Variants in OTOF observed in about 807,000 individuals in gnomAD.
The protein encoded by OTOF is otoferlin, also known as fer-1-like family member 2.
In OTOF, 218 loss-of-function variants were observed where a neutral mutation model predicts 236.8. The observed-to-expected ratio is 0.92, with a 90% CI of 0.82 to 1.03. OTOF has a LOEUF of 1.03. Ranked by LOEUF, OTOF falls within the 50% of genes least tolerant of loss-of-function variation. OTOF has a pLI of 0.00. For missense variants in OTOF, 2,590 were observed against 2,694.4 expected, an observed-to-expected ratio of 0.96 and a Z score of 0.86; for synonymous variants, 1,041 against 1,072.5, an observed-to-expected ratio of 0.97 and a Z score of 0.57.
intron 2 of OTOF, among the ~76,000 whole-genome samples, chr2:26,535,452 G>T (rs1019392835): frequency 7.9e-5 from 12 of 152,158 alleles, no homozygotes; most frequent in Admixed American, 4.6e-4. Flanking sequence ...GATGGCCTGA[G>T]CATTGCAAGT....
chr2:26,545,528 AAG>A (rs1054459135), intron 1 of OTOF, among the ~76,000 whole-genome samples: 2 of 152,150 alleles, frequency 1.3e-5, no homozygotes, highest in African/African-American at 4.8e-5. Flanking sequence ...TGACTAGCCA[AAG>A]AGAGTTTCCA....
chr2:26,548,086 A>T (rs572440460), intron 1 of OTOF, among the ~76,000 whole-genome samples: 1 of 152,198 alleles, frequency 6.6e-6, no homozygotes, highest in Non-Finnish European at 1.5e-5. Context: ...TATTGGTAAT[A>T]TTCCCATATT....
At chr2:26,503,676 C>T in intron 6 of OTOF, 96 bp downstream of exon 6, 2 of 1,084,432 alleles carry the variant, frequency 1.8e-6, no homozygotes, top group Non-Finnish European at 2.9e-6. Flanking sequence ...ACGACCTATC[C>T]CAGGAGGGCC....
chr2:26,489,605 G>T, intron 10 of OTOF, 73 bp downstream of exon 10: 1 of 1,275,098 alleles, frequency 7.8e-7, no homozygotes, highest in Non-Finnish European at 1.1e-6. Flanking sequence ...GACAGAGGGG[G>T]CCCCTCTCAA....
rs755835380 is a variant in OTOF at position 26,460,219 on chromosome 2, G to A, written c.5814-14C>T. The A allele has an allele frequency of 6.3e-7, 1 of 1,593,714 alleles. No individual in the cohort carries two copies. Among genetic ancestry groups the A allele is most frequent in the Non-Finnish European group, 8.5e-7 (1 of 1,170,168 alleles). On this transcript the variant is annotated splice_polypyrimidine_tract_variant and intron_variant, in intron 45 of 46. Coordinates refer to ENST00000272371, the MANE Select transcript of OTOF (RefSeq NM_194248.3). The surrounding 1 kb of genome is among the most constrained non-coding windows in gnomAD (Gnocchi z 5.3). ...GTGTCGGGCCGGCTGGAGTATGAAG[G>A]GTAGAGAGCGCAGAGGAGGGACAGG...
chr2:26,542,605 G>A (rs769258804), intron 1 of OTOF, among the ~76,000 whole-genome samples: 16 of 152,240 alleles, frequency 1.1e-4, no homozygotes, highest in Middle Eastern at 3.2e-3. Flanking sequence ...AGACTGGGAA[G>A]CAAGGAGAAG....
At position 26,470,416 on chromosome 2, in the gene OTOF, G is replaced by C. The variant is rs1395540744; in HGVS notation, c.4023+177C>G. Among the ~76,000 whole-genome samples, 1 of 152,098 alleles carries C rather than the reference G, an allele frequency of 6.6e-6. No homozygotes were observed. Among genetic ancestry groups the C allele is most frequent in the African/African-American group, 2.4e-5 (1 of 41,412 alleles). On this transcript the variant is annotated intron_variant, in intron 32 of 46. Transcript: ENST00000272371. The surrounding 1 kb of genome is among the most constrained non-coding windows in gnomAD (Gnocchi z 4.3). ...AAAACCAAGCAGGGAAGGTAGATGG[G>C]ACCATCATCTTGGAAGGTGAGTTCT...
intron 46 of OTOF, among the ~76,000 whole-genome samples, chr2:26,459,533 C>A (rs1359515504): frequency 7.9e-6 from 1 of 127,142 alleles, no homozygotes; most frequent in African/African-American, 3.1e-5. Context: ...GCCTGGGCGA[C>A]AGAGCGAGAC....
intron 2 of OTOF, among the ~76,000 whole-genome samples, chr2:26,530,093 T>C (rs10173374): frequency 0.57 from 86,212 of 150,728 alleles, 24,964 homozygotes; most frequent in East Asian, 0.73. Context: ...CACCGAGATT[T>C]GGTTTACTGG....
intron 1 of OTOF, among the ~76,000 whole-genome samples, chr2:26,543,920 G>A (rs575348886): frequency 1.8e-4 from 28 of 152,240 alleles, no homozygotes; most frequent in African/African-American, 6.7e-4. Flanking sequence ...GGTTTCACCA[G>A]CATGTGGCCA....
chr2:26,513,218 C>G (rs1407873174), intron 5 of OTOF, among the ~76,000 whole-genome samples: 6 of 152,130 alleles, frequency 3.9e-5, no homozygotes, highest in Non-Finnish European at 1.5e-5. Flanking sequence ...TTCTTAGGGT[C>G]TTAGGAGTGA....
At position 26,467,378 on chromosome 2, in the gene OTOF, A is replaced by G; in HGVS notation, c.4214T>C (p.Ile1405Thr). The G allele has an allele frequency of 1.2e-6, 2 of 1,611,904 alleles. No individual in the cohort carries two copies. The highest frequency in any genetic ancestry group is 1.7e-6 in the Non-Finnish European group (2 of 1,179,608). ...CTAGGCTCTCACCTTAAGCTCATCA[A>G]TCTTGGGTTTCTTCTTCTCGGGGGC... The part of the protein sequence containing the change: ...SEAPEKKKPK[I>T]DELKVYPKEL... The change falls in exon 34 of 47, where the codon ATT becomes ACT. Residue 1405 changes from isoleucine to threonine, a missense_variant. Physicochemically the swap from Ile to Thr is moderately conservative, Grantham distance 89 (BLOSUM62 -1). Coordinates refer to ENST00000272371, the MANE Select transcript of OTOF (RefSeq NM_194248.3).
chr2:26,521,389 G>A (rs893129300), intron 3 of OTOF, among the ~76,000 whole-genome samples: 2 of 152,196 alleles, frequency 1.3e-5, no homozygotes, highest in African/African-American at 4.8e-5. Context: ...CTCCCAGGGG[G>A]CAGGGTGGAG....
At chr2:26,467,723 C>CT (rs1164722438) in intron 33 of OTOF, among the ~76,000 whole-genome samples, 1 of 152,172 alleles carries the variant, frequency 6.6e-6, no homozygotes, top group Non-Finnish European at 1.5e-5. Context: ...TCTTCATGCC[C>CT]TTTGGAAGAG....
Position 26,473,848 on chromosome 2 carries a change from G to GCT in OTOF, c.3408+142_3408+143insAG, listed in dbSNP as rs1375223142. The GCT allele has an allele frequency of 1.6e-4, 178 of 1,140,164 alleles. 1 individual carries two copies. The African/African-American group carries it at 2.3e-3, about 15-fold the overall frequency. The allele number at this position is 1,140,164 out of a possible 1,614,324, so 70.6% of individuals were successfully genotyped here. ...TGGGAGTGCGACTTGGTGCAGATGG[G>GCT]GGCAGGCCCTGGGCTGGGGCAGGAG... On this transcript the variant is annotated intron_variant, in intron 27 of 46. Transcript: ENST00000272371. The surrounding 1 kb of genome is among the most constrained non-coding windows in gnomAD (Gnocchi z 7.2).
At chr2:26,487,220 G>A (rs1665721894) in intron 11 of OTOF, among the ~76,000 whole-genome samples, 1 of 152,192 alleles carries the variant, frequency 6.6e-6, no homozygotes, top group Non-Finnish European at 1.5e-5. Context: ...CTGGGAGCAT[G>A]CTGTCCAACA....
chr2:26,461,605 C>T lies in OTOF; in HGVS notation c.5533+91G>A. ...CTGGAAGCAATGACCCCTTGTCCCC[C>T]CAAGGCAGGGCTCTCCCTGTCCCCG... On this transcript the variant is annotated intron_variant, in intron 43 of 46. Transcript: ENST00000272371. The surrounding 1 kb of genome is among the most constrained non-coding windows in gnomAD (Gnocchi z 6.2). The T allele has an allele frequency of 6.4e-7, 1 of 1,565,028 alleles. No individual in the cohort carries two copies. The highest frequency in any genetic ancestry group is 1.1e-5 in the South Asian group (1 of 89,494).
At chr2:26,555,719 T>C (rs1667570210) in intron 1 of OTOF, among the ~76,000 whole-genome samples, 1 of 152,094 alleles carries the variant, frequency 6.6e-6, no homozygotes, top group Non-Finnish European at 1.5e-5. Context: ...TGGAACCCCT[T>C]AGACGTGCTC....
At chr2:26,483,692 C>A (rs527859355) in intron 12 of OTOF, 44 bp from the exon 13 acceptor site, 1 of 1,567,856 alleles carries the variant, frequency 6.4e-7, no homozygotes, top group Admixed American at 1.7e-5. Flanking sequence ...AGGTCCAGGT[C>A]CCCAACCCCC....
Sources: allele counts gnomAD v4.1 joint callset (sites outside exome capture counted in the v4.1 genomes callset), GRCh38; gene constraint gnomAD v4.1.1; non-coding constraint Gnocchi (gnomAD v3.1); transcripts MANE v1.5; gene names NCBI Gene and HGNC (gene_info 2026-07-23, HGNC 2026-07-21).